The following PRKG1 variants were observed in gnomAD, a reference collection of about 807,000 sequenced individuals.
PRKG1 encodes cGMP-dependent protein kinase 1.
Under a neutral mutation model 88.1 loss-of-function variants are expected in PRKG1, and 35 were observed. The ratio of observed to expected loss-of-function variants is 0.40; its 90% CI spans 0.30 to 0.53. The LOEUF (loss-of-function observed/expected upper bound fraction) is 0.53, where lower values mean the gene tolerates loss of function less well. PRKG1 is among the 20% of genes least tolerant of loss of function. The probability of loss-of-function intolerance (pLI) is 0.59; values close to 1 mark genes in which losing one functional copy is unlikely to be tolerated. For synonymous variants in PRKG1, 303 were observed against 292.5 expected, an observed-to-expected ratio of 1.04 and a Z score of -0.37; for missense variants, 540 against 839.8, an observed-to-expected ratio of 0.64 and a Z score of 4.41.
At chr10:52,035,822 T>C (rs1845593945) in intron 5 of PRKG1, among the ~76,000 whole-genome samples, 1 of 152,202 alleles carries the variant, frequency 6.6e-6, no homozygotes, top group Non-Finnish European at 1.5e-5. Flanking sequence ...TGAGGGCCTC[T>C]AAAAGTATTA....
At chr10:51,175,790 T>A (rs1261935539) in intron 2 of PRKG1, among the ~76,000 whole-genome samples, 1 of 151,990 alleles carries the variant, frequency 6.6e-6, no homozygotes, top group Non-Finnish European at 1.5e-5. Flanking sequence ...ACCTACGGAA[T>A]GAGAAATTCT....
chr10:51,878,636 A>C (rs1188404089), intron 4 of PRKG1, among the ~76,000 whole-genome samples: 2 of 152,136 alleles, frequency 1.3e-5, no homozygotes, highest in Admixed American at 6.5e-5. Context: ...CCTTTTCTGA[A>C]ACTACTCACC....
intron 3 of PRKG1, among the ~76,000 whole-genome samples, chr10:51,671,442 G>T (rs771908890): frequency 5.9e-5 from 9 of 152,264 alleles, no homozygotes; most frequent in Non-Finnish European, 1.2e-4. Flanking sequence ...TCTATTCCAT[G>T]ACTCTGTCCT....
chr10:51,699,692 G>C, intron 3 of PRKG1: 2 of 872,606 alleles, frequency 2.3e-6, no homozygotes, highest in South Asian at 1.7e-5. Flanking sequence ...CCGCTTGCCT[G>C]TGGAACCTGC....
rs529480881 is a variant in PRKG1 at position 51,286,681 on chromosome 10, T to C, written c.478+133351T>C. On this transcript the variant is annotated intron_variant, in intron 2 of 17. Coordinates refer to ENST00000373980, the MANE Select transcript of PRKG1 (RefSeq NM_006258.4). ...TATTCATCATTTCAAACATTTGTCA[T>C]TTCTTTGTCCTGGGAACATTCAACA... is the stretch of plus-strand genomic sequence containing the variant. Among the ~76,000 whole-genome samples, 14 of 152,330 alleles carry C rather than the reference T, an allele frequency of 9.2e-5. No individual in the cohort carries two copies. The South Asian group carries it at 2.9e-3, about 32-fold the overall frequency.
intron 7 of PRKG1, among the ~76,000 whole-genome samples, chr10:52,098,533 G>A (rs1303507133): frequency 5.9e-5 from 9 of 152,120 alleles, no homozygotes; most frequent in South Asian, 4.1e-4. Context: ...TAAATAGGCC[G>A]GGCGCGGTGG....
intron 7 of PRKG1, 82 bp from the exon 8 acceptor site, chr10:52,133,757 AT>A (rs1837328326): frequency 8.4e-7 from 1 of 1,197,440 alleles, no homozygotes. Flanking sequence ...TATAATGTAA[AT>A]TTTTTCCTGA....
At chr10:52,062,716 CT>C in intron 7 of PRKG1, 85 bp downstream of exon 7, 1 of 965,398 alleles carries the variant, frequency 1.0e-6, no homozygotes, top group South Asian at 1.4e-5. Context: ...GCACAATAGG[CT>C]TTTTATTTAG....
At chr10:52,003,838 C>A (rs374687628) in intron 5 of PRKG1, among the ~76,000 whole-genome samples, 1 of 152,144 alleles carries the variant, frequency 6.6e-6, no homozygotes, top group Non-Finnish European at 1.5e-5. Flanking sequence ...CCTCTGAATC[C>A]TTCTTTGTAG....
At chr10:51,652,973 T>G (rs1266297168) in intron 3 of PRKG1, among the ~76,000 whole-genome samples, 1 of 152,252 alleles carries the variant, frequency 6.6e-6, no homozygotes, top group Non-Finnish European at 1.5e-5. Context: ...GGTATTTGTC[T>G]TCTGTGCCTA....
At chr10:51,692,329 G>A (rs1427679676) in intron 3 of PRKG1, among the ~76,000 whole-genome samples, 4 of 151,660 alleles carry the variant, frequency 2.6e-5, no homozygotes, top group Non-Finnish European at 4.4e-5. Flanking sequence ...TGCAAGTTCC[G>A]CCTCCTGGGT....
intron 5 of PRKG1, among the ~76,000 whole-genome samples, chr10:51,921,634 T>A (rs1403388950): frequency 6.6e-6 from 1 of 152,140 alleles, no homozygotes; most frequent in Non-Finnish European, 1.5e-5. Context: ...GGGTGTTAAA[T>A]TTTGTGAAAT....
chr10:51,570,067 ATGTGTGTG>A (rs1491127245), intron 3 of PRKG1, among the ~76,000 whole-genome samples: 1 of 113,076 alleles, frequency 8.8e-6, no homozygotes, highest in African/African-American at 3.6e-5. Context: ...ATATATATAT[ATGTGTGTG>A]TGTGTTTATA....
chr10:52,153,571 T>C (rs1838001362), intron 8 of PRKG1, among the ~76,000 whole-genome samples: 1 of 152,212 alleles, frequency 6.6e-6, no homozygotes, highest in East Asian at 1.9e-4. Context: ...CTAGGTTAGA[T>C]GGATGATGGA....
intron 5 of PRKG1, among the ~76,000 whole-genome samples, chr10:52,009,725 A>G (rs1020987530): frequency 6.6e-6 from 1 of 152,196 alleles, no homozygotes; most frequent in Non-Finnish European, 1.5e-5. Flanking sequence ...AGGCAATCAT[A>G]AGGAAAAAGA....
At chr10:51,708,490 C>A (rs527909156) in intron 3 of PRKG1, among the ~76,000 whole-genome samples, 121 of 152,276 alleles carry the variant, frequency 7.9e-4, no homozygotes, top group African/African-American at 2.7e-3. Flanking sequence ...CTATTCCCAT[C>A]TCTTTCTCTC....
At chr10:51,253,935 G>A (rs1839489547) in intron 2 of PRKG1, among the ~76,000 whole-genome samples, 2 of 151,934 alleles carry the variant, frequency 1.3e-5, no homozygotes, top group Admixed American at 1.3e-4. Flanking sequence ...AAATCAAACA[G>A]CTTGGAAGAA....
intron 7 of PRKG1, among the ~76,000 whole-genome samples, chr10:52,112,069 T>G (rs1847577095): frequency 6.6e-6 from 1 of 152,182 alleles, no homozygotes; most frequent in African/African-American, 2.4e-5. Context: ...CCAGCAAAAG[T>G]GAACCTCTCA....
intron 3 of PRKG1, among the ~76,000 whole-genome samples, chr10:51,607,446 T>C (rs1030206275): frequency 3.9e-5 from 6 of 152,182 alleles, no homozygotes; most frequent in Admixed American, 6.5e-5. Context: ...CTGTGGGCTC[T>C]CAGTAGCAGC....
Sources: gnomAD v4.1 joint callset for allele counts (sites outside exome capture counted in the v4.1 genomes callset) on GRCh38, gnomAD v4.1.1 for gene constraint, MANE v1.5 for transcripts, NCBI Gene and HGNC (gene_info 2026-07-23, HGNC 2026-07-21) for gene names.